PSMB7: variants seen among roughly 807,000 people sequenced by gnomAD.
PSMB7 encodes proteasome subunit beta type-7.
A neutral mutation model predicts 28.1 loss-of-function variants in PSMB7; 5 were observed. The ratio of observed to expected loss-of-function variants is 0.18; its 90% CI spans 0.09 to 0.37. PSMB7 has a LOEUF of 0.37. PSMB7 is among the 10% of genes least tolerant of loss of function. The pLI, the probability that PSMB7 is intolerant of heterozygous loss-of-function variation, is 1.00. For synonymous variants in PSMB7, 122 were observed against 123.7 expected, an observed-to-expected ratio of 0.99 and a Z score of 0.09; for missense variants, 275 against 346.2, an observed-to-expected ratio of 0.79 and a Z score of 1.63.
At chr9:124,355,732 C>G (rs957519799) in intron 7 of PSMB7, among the ~76,000 whole-genome samples, 7 of 152,180 alleles carry the variant, frequency 4.6e-5, no homozygotes, top group African/African-American at 1.7e-4. Context: ...GACTGATTTG[C>G]TGGAAGCCAC....
intron 7 of PSMB7, among the ~76,000 whole-genome samples, chr9:124,355,392 C>T (rs1002206424): frequency 5.3e-5 from 8 of 152,372 alleles, no homozygotes; most frequent in East Asian, 1.9e-4. Flanking sequence ...AGGACTCCTG[C>T]GCTCAGCACA....
At chr9:124,403,075 A>G (rs1355898802) in intron 5 of PSMB7, among the ~76,000 whole-genome samples, 1 of 152,234 alleles carries the variant, frequency 6.6e-6, no homozygotes, top group Non-Finnish European at 1.5e-5. Flanking sequence ...GACAGAAAAT[A>G]TTAAGAGGTA....
intron 4 of PSMB7, among the ~76,000 whole-genome samples, chr9:124,405,721 AC>A (rs1264587241): frequency 6.6e-5 from 10 of 152,214 alleles, no homozygotes; most frequent in African/African-American, 2.4e-4. Context: ...TCACTCTGTC[AC>A]CCAGGCTGCA....
chr9:124,357,020 G>A, intron 6 of PSMB7, 105 bp from the exon 7 acceptor site: 2 of 1,281,456 alleles, frequency 1.6e-6, no homozygotes, highest in East Asian at 2.4e-5. Flanking sequence ...CCGCGAGACA[G>A]GTGTTGTTTT....
At chr9:124,364,129 C>T (rs1333927134) in intron 6 of PSMB7, among the ~76,000 whole-genome samples, 1 of 152,210 alleles carries the variant, frequency 6.6e-6, no homozygotes, top group Non-Finnish European at 1.5e-5. Context: ...GCACCTGCCA[C>T]ACCCCCGGGT....
intron 6 of PSMB7, chr9:124,383,491 AAT>A (rs1830689151): frequency 6.6e-6 from 1 of 152,182 alleles, no homozygotes; most frequent in South Asian, 2.1e-4. Flanking sequence ...CAGTATCTTT[AAT>A]CCTACTTTCT....
chr9:124,402,322 C>T (rs1830918871), intron 5 of PSMB7, among the ~76,000 whole-genome samples: 1 of 152,208 alleles, frequency 6.6e-6, no homozygotes, highest in African/African-American at 2.4e-5. Flanking sequence ...AAGCTGTTTA[C>T]CTACTCACTT....
Position 124,414,010 on chromosome 9 carries a change from T to TA in PSMB7, c.157-6dup, listed in dbSNP as rs561738828. On this transcript the variant is annotated splice_region_variant and splice_polypyrimidine_tract_variant and intron_variant, in intron 2 of 7. Transcript: ENST00000259457. The stretch of plus-strand genomic sequence containing the variant: ...TGCTCCAAGAACTATGCCATCCTAT[T>TA]AAAAAAAAAAGTTTTTAAACAATTT... The TA allele has an allele frequency of 2.7e-3, 4,000 of 1,461,880 alleles. 1 individual carries two copies. Among genetic ancestry groups the TA allele is most frequent in the Non-Finnish European group, 3.0e-3 (3,241 of 1,073,652 alleles). The allele number at this position is 1,461,880 out of a possible 1,614,324, so 90.6% of individuals were successfully genotyped here.
intron 5 of PSMB7, among the ~76,000 whole-genome samples, chr9:124,404,502 C>T (rs555113801): frequency 3.3e-5 from 5 of 152,246 alleles, no homozygotes; most frequent in South Asian, 4.1e-4. Flanking sequence ...GGAATATCTA[C>T]ATTATAACTC....
chr9:124,402,153 T>C (rs576226123), intron 5 of PSMB7, among the ~76,000 whole-genome samples: 1 of 152,290 alleles, frequency 6.6e-6, no homozygotes, highest in African/African-American at 2.4e-5. Flanking sequence ...GCAAAACCAG[T>C]CTGTGTGGAG....
intron 6 of PSMB7, among the ~76,000 whole-genome samples, chr9:124,362,627 G>A (rs1268044213): frequency 6.6e-6 from 1 of 152,182 alleles, no homozygotes; most frequent in Non-Finnish European, 1.5e-5. Context: ...ATCTCAGTTA[G>A]AAGGAGTAAG....
At chr9:124,407,949 C>T (rs1184067666) in intron 4 of PSMB7, among the ~76,000 whole-genome samples, 2 of 152,032 alleles carry the variant, frequency 1.3e-5, no homozygotes, top group East Asian at 3.8e-4. Flanking sequence ...GAGTTTGAGA[C>T]CAGCCTAAGC....
intron 4 of PSMB7, among the ~76,000 whole-genome samples, chr9:124,408,894 TAA>T (rs1265401698): frequency 1.3e-5 from 2 of 152,222 alleles, no homozygotes; most frequent in Admixed American, 1.3e-4. Flanking sequence ...TTTATAATTT[TAA>T]AAAGTTATTT....
At chr9:124,410,292 C>A (rs1048544987) in intron 4 of PSMB7, among the ~76,000 whole-genome samples, 3 of 152,012 alleles carry the variant, frequency 2.0e-5, no homozygotes, top group Non-Finnish European at 4.4e-5. Flanking sequence ...CCGCGCCCAG[C>A]CGAGATGTTA....
chr9:124,357,097 C>A (rs1013931215), intron 6 of PSMB7, among the ~76,000 whole-genome samples, 182 bp from the exon 7 acceptor site: 1 of 152,158 alleles, frequency 6.6e-6, no homozygotes, highest in South Asian at 2.1e-4. Flanking sequence ...AAGTTCCCGA[C>A]CCAGGCCTTT....
chr9:124,353,611 A>ATTGT lies in PSMB7; in HGVS notation c.817_820dup (p.Met274AsnfsTer23). On this transcript the variant is annotated frameshift_variant, in exon 8 of 8. Transcript: ENST00000259457. LOFTEE classifies it high-confidence loss of function. ...CACTGATGCCATTCAGGAAGTGTCC[A>ATTGT]TTGTTTGGACTGTTTCTTCCAGCAC... The ATTGT allele has an allele frequency of 6.2e-7, 1 of 1,612,302 alleles. No individual in the cohort carries two copies.
intron 2 of PSMB7, 80 bp downstream of exon 2, chr9:124,414,762 C>T: frequency 8.2e-7 from 1 of 1,212,326 alleles, no homozygotes; most frequent in South Asian, 1.2e-5. Flanking sequence ...CAGACCGAGC[C>T]GGGAGAGACA....
At chr9:124,359,525 C>G (rs1411036465) in intron 6 of PSMB7, among the ~76,000 whole-genome samples, 2 of 152,214 alleles carry the variant, frequency 1.3e-5, no homozygotes, top group Admixed American at 6.5e-5. Context: ...CAAGGTCACA[C>G]AGCAGGTAAA....
chr9:124,407,634 T>C (rs963424876), intron 4 of PSMB7, among the ~76,000 whole-genome samples: 3 of 152,244 alleles, frequency 2.0e-5, no homozygotes, highest in African/African-American at 4.8e-5. Flanking sequence ...TCAAGATGTT[T>C]TGGCAAATTA....
Sources: gnomAD v4.1 joint callset for allele counts (sites outside exome capture counted in the v4.1 genomes callset) on GRCh38, gnomAD v4.1.1 for gene constraint, MANE v1.5 for transcripts, NCBI Gene and HGNC (gene_info 2026-07-23, HGNC 2026-07-21) for gene names.